The following TMEM229B variants were observed in gnomAD, a reference collection of about 807,000 sequenced individuals.
TMEM229B encodes the protein transmembrane protein 229B.
TMEM229B carries 6 observed loss-of-function variants against 13.7 expected under a neutral mutation model. That is an observed-to-expected ratio of 0.44 (90% CI 0.24 to 0.86). The LOEUF (loss-of-function observed/expected upper bound fraction) is 0.86. Ranked by LOEUF, TMEM229B falls within the 40% of genes least tolerant of loss-of-function variation. The probability of loss-of-function intolerance (pLI) is 0.23; values close to 1 mark genes in which losing one functional copy is unlikely to be tolerated. For missense variants in TMEM229B, 170 were observed against 236.0 expected, an observed-to-expected ratio of 0.72 and a Z score of 1.83; for synonymous variants, 107 against 102.1, an observed-to-expected ratio of 1.05 and a Z score of -0.29.
At chr14:67,485,114 A>G (rs2031797933) in intron 2 of TMEM229B, among the ~76,000 whole-genome samples, 1 of 152,228 alleles carries the variant, frequency 6.6e-6, no homozygotes, top group South Asian at 2.1e-4. Flanking sequence ...ACTATTTCCT[A>G]ATAATATATC....
rs576869325 is a variant in TMEM229B at position 67,532,879 on chromosome 14, C to T, written c.-192+757G>A. On this transcript the variant is annotated intron_variant, in intron 1 of 2. Coordinates refer to the TMEM229B transcript ENST00000554278. Reference sequence around the variant, plus strand: ...GAGACGGTCTGGTCTTGTCCCGCAGCCCGCGAGGGTCCCCCGCTATTTGGG... The same window carrying T: ...GAGACGGTCTGGTCTTGTCCCGCAGTCCGCGAGGGTCCCCCGCTATTTGGG... Among the ~76,000 whole-genome samples the T allele has an allele frequency of 9.8e-5, 15 of 152,328 alleles. 1 individual carries two copies. The South Asian group carries it at 3.1e-3, about 32-fold the overall frequency.
At chr14:67,524,539 C>T (rs753675268) in intron 1 of TMEM229B, among the ~76,000 whole-genome samples, 2 of 152,066 alleles carry the variant, frequency 1.3e-5, no homozygotes, top group East Asian at 1.9e-4. Flanking sequence ...TCCTGCAGTC[C>T]GACCAATGGA....
chr14:67,521,902 C>T (rs1049257566), intron 1 of TMEM229B, among the ~76,000 whole-genome samples: 3 of 152,160 alleles, frequency 2.0e-5, no homozygotes, highest in Non-Finnish European at 2.9e-5. Flanking sequence ...TTAAGCCGGG[C>T]ACGGTGGCTC....
At chr14:67,531,844 T>A (rs2033465936) in intron 1 of TMEM229B, among the ~76,000 whole-genome samples, 1 of 144,078 alleles carries the variant, frequency 6.9e-6, no homozygotes, top group Admixed American at 7.0e-5. Context: ...GGAGTTCAAG[T>A]TACAGTGAGC....
intron 2 of TMEM229B, among the ~76,000 whole-genome samples, chr14:67,486,682 G>A (rs1393101754): frequency 6.6e-6 from 1 of 152,112 alleles, no homozygotes; most frequent in Non-Finnish European, 1.5e-5. Context: ...ATGATTGTGA[G>A]GCTTCCCCAG....
At chr14:67,491,503 G>T (rs938250817), upstream of TMEM229B, among the ~76,000 whole-genome samples, 1 of 152,130 alleles carries the variant, frequency 6.6e-6, no homozygotes, top group Non-Finnish European at 1.5e-5. Context: ...GTTATCAAAG[G>T]TGCTTATTAT....
At chr14:67,506,844 G>T (rs906587233) in intron 1 of TMEM229B, among the ~76,000 whole-genome samples, 1 of 152,068 alleles carries the variant, frequency 6.6e-6, no homozygotes, top group Non-Finnish European at 1.5e-5. Flanking sequence ...CTTAGCTGGG[G>T]GTGGTGGCAT....
intron 1 of TMEM229B, among the ~76,000 whole-genome samples, chr14:67,500,093 G>A (rs950613547): frequency 1.1e-4 from 17 of 152,164 alleles, no homozygotes; most frequent in African/African-American, 3.4e-4. Context: ...AGCTACTCAC[G>A]TGGGAGGATA....
intron 1 of TMEM229B, among the ~76,000 whole-genome samples, chr14:67,496,294 T>C (rs1172038948): frequency 6.6e-6 from 1 of 151,442 alleles, no homozygotes; most frequent in African/African-American, 2.4e-5. Context: ...GGTTTTGTCA[T>C]GTTGCCCAGG....
chr14:67,473,084 T>C lies in TMEM229B; in HGVS notation c.*336A>G, dbSNP rs1291012973. ...CTCCCACCTGCGGCCCCATTCTCATTGTCCCTTGGCCAGGACAGGGCCTGC... is the reference window on the plus strand; with the variant it reads ...CTCCCACCTGCGGCCCCATTCTCATCGTCCCTTGGCCAGGACAGGGCCTGC... On this transcript the variant is annotated 3_prime_UTR_variant, in exon 3 of 3. Coordinates refer to ENST00000554480, the MANE Select transcript of TMEM229B (RefSeq NM_001348543.2). This position sits in a 1 kb window ranked among gnomAD's most constrained non-coding sequence, Gnocchi z 6.5. 3 of 288,436 alleles carry C rather than the reference T, an allele frequency of 1.0e-5. No individual in the cohort carries two copies. Among genetic ancestry groups the C allele is most frequent in the African/African-American group, 2.1e-5 (1 of 46,556 alleles). 17.9% of individuals were successfully genotyped at this position (288,436 alleles called of 1,614,324 possible). A position where few individuals can be genotyped will look rare whatever the true frequency, so the allele number is the denominator to read the frequency against.
chr14:67,483,484 T>C (rs1279343593), intron 2 of TMEM229B, among the ~76,000 whole-genome samples: 3 of 152,168 alleles, frequency 2.0e-5, no homozygotes, highest in African/African-American at 4.8e-5. Context: ...TGGGATGGTA[T>C]GTGGAGAGAC....
intron 1 of TMEM229B, among the ~76,000 whole-genome samples, chr14:67,529,977 G>A (rs1014238229): frequency 6.6e-6 from 1 of 152,148 alleles, no homozygotes; most frequent in Non-Finnish European, 1.5e-5. Flanking sequence ...TGATATAGGA[G>A]AGGGTCTCTT....
chr14:67,481,400 G>A (rs1470090930), intron 2 of TMEM229B, among the ~76,000 whole-genome samples: 2 of 152,186 alleles, frequency 1.3e-5, no homozygotes, highest in African/African-American at 2.4e-5. Context: ...GTAGATGGAG[G>A]GGAAGCACAC....
chr14:67,529,288 T>G (rs1159750328), intron 1 of TMEM229B, among the ~76,000 whole-genome samples: 1 of 152,138 alleles, frequency 6.6e-6, no homozygotes, highest in Non-Finnish European at 1.5e-5. Context: ...TTGCAGTGAA[T>G]GTATGTGGTA....
chr14:67,509,572 G>A (rs897027701), intron 1 of TMEM229B, among the ~76,000 whole-genome samples: 16 of 152,292 alleles, frequency 1.1e-4, no homozygotes, highest in African/African-American at 3.6e-4. Context: ...ACCCACCTCG[G>A]CCTCCTAAAG....
upstream of TMEM229B, among the ~76,000 whole-genome samples, chr14:67,491,900 C>T (rs2032185689): frequency 6.6e-6 from 1 of 152,190 alleles, no homozygotes; most frequent in East Asian, 1.9e-4. Flanking sequence ...GCCGCGGGGG[C>T]CTGCCTGGCA....
chr14:67,520,076 T>C (rs2140268309), upstream of TMEM229B, among the ~76,000 whole-genome samples: 1 of 152,290 alleles, frequency 6.6e-6, no homozygotes, highest in Non-Finnish European at 1.5e-5. Flanking sequence ...GAGAAGAAAG[T>C]ACAGAGATTT....
intron 1 of TMEM229B, among the ~76,000 whole-genome samples, chr14:67,498,808 G>A (rs2032492693): frequency 6.6e-6 from 1 of 151,934 alleles, no homozygotes; most frequent in Non-Finnish European, 1.5e-5. Flanking sequence ...TGAGATTATA[G>A]GTGCACACCA....
At chr14:67,514,223 G>C (rs928002187) in intron 1 of TMEM229B, among the ~76,000 whole-genome samples, 13 of 152,160 alleles carry the variant, frequency 8.5e-5, no homozygotes, top group African/African-American at 3.1e-4. Context: ...ACCTAAGGCA[G>C]CCAAACACCC....
Sources: gnomAD v4.1 joint callset for allele counts (sites outside exome capture counted in the v4.1 genomes callset) on GRCh38, gnomAD v4.1.1 for gene constraint, Gnocchi (gnomAD v3.1) non-coding constraint, MANE v1.5 for transcripts, NCBI Gene and HGNC (gene_info 2026-07-23, HGNC 2026-07-21) for gene names.